The following SYNE2 variants were observed in gnomAD, a reference collection of about 807,000 sequenced individuals.
The protein encoded by SYNE2 is nesprin-2.
A neutral mutation model predicts 856.3 loss-of-function variants in SYNE2; 431 were observed. That is an observed-to-expected ratio of 0.50 (90% confidence interval 0.47 to 0.55). The LOEUF (loss-of-function observed/expected upper bound fraction) is 0.55. SYNE2 is among the 20% of genes least tolerant of loss of function. The pLI is 0.00. For synonymous variants in SYNE2, 2,923 were observed against 2,872.3 expected, an observed-to-expected ratio of 1.02 and a Z score of -0.56; for missense variants, 8,129 against 8,023.2, an observed-to-expected ratio of 1.01 and a Z score of -0.50.
In SYNE2 at chr14:64,159,357, C is replaced by A; in HGVS notation, c.16009C>A (p.Leu5337Ile). ...GAGCAGTGAAGGGAGTTGGGAGAAACTCCAGGAGGTTATCGGCAAACTCAA... is the reference window on the plus strand; with the variant it reads ...GAGCAGTGAAGGGAGTTGGGAGAAAATCCAGGAGGTTATCGGCAAACTCAA... The part of the protein sequence containing the change: ...AESSEGSWEK[L>I]QEVIGKLKGL... The change falls in exon 87 of 116, where the codon CTC becomes ATC. Residue 5337 changes from leucine (L) to isoleucine (I), a missense_variant. Leu to Ile is a conservative substitution (Grantham distance 5). Coordinates refer to ENST00000555002, the MANE Select transcript of SYNE2 (RefSeq NM_182914.3). The A allele has an allele frequency of 6.2e-7, 1 of 1,614,008 alleles. No homozygotes were observed. Among genetic ancestry groups the A allele is most frequent in the Non-Finnish European group, 8.5e-7 (1 of 1,179,906 alleles).
chr14:63,783,195 T>A (rs1189841349), intron 1 of SYNE2, among the ~76,000 whole-genome samples: 1 of 152,188 alleles, frequency 6.6e-6, no homozygotes, highest in Non-Finnish European at 1.5e-5. Flanking sequence ...TCTCGCGAGA[T>A]CTGATCGTTT....
At chr14:64,007,325 G>C (rs571623301) in intron 31 of SYNE2, 103 bp downstream of exon 31, 2 of 1,080,536 alleles carry the variant, frequency 1.9e-6, no homozygotes, top group South Asian at 2.5e-5. Context: ...GGACCCAAAG[G>C]AGGGACAAAC....
chr14:64,145,814 A>G (rs947944831), intron 83 of SYNE2, among the ~76,000 whole-genome samples: 2 of 152,192 alleles, frequency 1.3e-5, no homozygotes, highest in East Asian at 1.9e-4. Flanking sequence ...TTTTGTATAC[A>G]TCTGAAACTC....
chr14:63,904,666 T>G (rs2153339027), intron 1 of SYNE2, among the ~76,000 whole-genome samples: 1 of 152,318 alleles, frequency 6.6e-6, no homozygotes, highest in South Asian at 2.1e-4. Flanking sequence ...AATGGGGTTG[T>G]CTTTTGCTTG....
chr14:64,173,912 C>G, intron 94 of SYNE2: 1 of 689,564 alleles, frequency 1.5e-6, no homozygotes, highest in Non-Finnish European at 2.6e-6. Context: ...GCCCATGTAG[C>G]CAGGTGTGGT....
At chr14:63,991,312 T>C (rs1047434493) in intron 21 of SYNE2, among the ~76,000 whole-genome samples, 197 bp downstream of exon 21, 1 of 152,208 alleles carries the variant, frequency 6.6e-6, no homozygotes, top group Admixed American at 6.5e-5. Context: ...TCAAATTTTA[T>C]TGTGGATCTG....
At position 64,056,169 on chromosome 14, in the gene SYNE2, G is replaced by A. The variant is rs754885881; in HGVS notation, c.9970G>A (p.Glu3324Lys). ...TEKLGMISSP[E>K]AKLQLQYTLQ... ...GAAACTGGGAATGATATCCAGCCCCGAAGCCAAACTACAACTTCAGTATAC... is the reference window on the plus strand; with the variant it reads ...GAAACTGGGAATGATATCCAGCCCCAAAGCCAAACTACAACTTCAGTATAC... Residue 3324 changes from glutamate to lysine, a missense_variant, in exon 49 of 116, where the codon GAA becomes AAA. Physicochemically the swap from Glu to Lys is moderately conservative, Grantham distance 56 (BLOSUM62 1). Transcript: ENST00000555002. The A allele has an allele frequency of 6.2e-6, 10 of 1,613,956 alleles. No individual in the cohort carries two copies. The highest frequency in any genetic ancestry group is 3.3e-5 in the Admixed American group (2 of 59,990).
intron 1 of SYNE2, among the ~76,000 whole-genome samples, chr14:63,859,801 G>A (rs1424334279): frequency 6.6e-6 from 1 of 152,222 alleles, no homozygotes; most frequent in South Asian, 2.1e-4. Flanking sequence ...GGGCAACAGA[G>A]CAAGACTCTG....
intron 66 of SYNE2, among the ~76,000 whole-genome samples, chr14:64,118,480 A>G (rs2097869446): frequency 2.6e-5 from 4 of 152,168 alleles, no homozygotes; most frequent in Admixed American, 2.6e-4. Flanking sequence ...TGAGAAAGAG[A>G]AGGAAAAGAG....
intron 2 of SYNE2, among the ~76,000 whole-genome samples, chr14:63,937,954 G>A (rs1019182814): frequency 5.3e-5 from 8 of 152,148 alleles, no homozygotes; most frequent in African/African-American, 1.9e-4. Flanking sequence ...AATGATTGCT[G>A]GAGTTGGGGC....
chr14:63,908,585 T>A (rs2095436351), intron 1 of SYNE2, among the ~76,000 whole-genome samples: 1 of 152,222 alleles, frequency 6.6e-6, no homozygotes, highest in African/African-American at 2.4e-5. Flanking sequence ...CATTAAAATA[T>A]TCTTTTTGAT....
intron 1 of SYNE2, among the ~76,000 whole-genome samples, chr14:63,784,707 C>G (rs1887447258): frequency 6.6e-6 from 1 of 152,072 alleles, no homozygotes; most frequent in South Asian, 2.1e-4. Context: ...TGAAGTGGCT[C>G]ATGCCTGCAA....
intron 1 of SYNE2, among the ~76,000 whole-genome samples, chr14:63,792,772 C>G (rs770397992): frequency 6.6e-4 from 101 of 152,010 alleles, no homozygotes; most frequent in Middle Eastern, 6.8e-3. Flanking sequence ...CTCAAGTGAT[C>G]GTGATCACCT....
In SYNE2 at chr14:63,854,562, G is replaced by GT. The variant is rs572946665; in HGVS notation, c.-52+1425dup. ...TGGGAACAGGTGTAATCCTCATTAAGTTTTTTCGTGGTGAAGAATGGAGAT... is the reference window on the plus strand; with the variant it reads ...TGGGAACAGGTGTAATCCTCATTAAGTTTTTTTCGTGGTGAAGAATGGAGAT... On this transcript the variant is annotated intron_variant, in intron 1 of 115. Coordinates refer to ENST00000555002, the MANE Select transcript of SYNE2 (RefSeq NM_182914.3). 2.7e-3 allele frequency among the ~76,000 whole-genome samples: 411 copies of GT among 152,324 alleles called. 2 individuals carry two copies. The highest frequency in any genetic ancestry group is 9.3e-3 in the African/African-American group (386 of 41,570).
In SYNE2 at chr14:64,126,222, A is replaced by T. The variant is rs964483972; in HGVS notation, c.13555-105A>T. ...AGCGTTTGAAGCAACTTATTACAAA[A>T]GAAGCATAACATAAATCATAAACTA... On this transcript the variant is annotated intron_variant, in intron 71 of 115. Coordinates refer to ENST00000555002, the MANE Select transcript of SYNE2 (RefSeq NM_182914.3). 9 of 995,486 alleles carry T rather than the reference A, an allele frequency of 9.0e-6. No individual in the cohort carries two copies. In the African/African-American group the frequency reaches 1.1e-4, roughly 12 times the overall value. The allele number at this position is 995,486 out of a possible 1,614,324, so 61.7% of individuals were successfully genotyped here.
rs1344942575 is a variant in SYNE2, at chr14:64,070,957, G to A, written c.10697+47G>A. The A allele has an allele frequency of 1.9e-6, 3 of 1,604,270 alleles. No homozygotes were observed. In the African/African-American group the frequency reaches 4.0e-5, roughly 22 times the overall value. On this transcript the variant is annotated intron_variant, in intron 52 of 115. Coordinates refer to ENST00000555002, the MANE Select transcript of SYNE2 (RefSeq NM_182914.3). ...TAAGGACGTGTGCTTGACAATTATGGCTCAAAATTTAGAAAATCTAAAAGT... is the reference window on the plus strand; with the variant it reads ...TAAGGACGTGTGCTTGACAATTATGACTCAAAATTTAGAAAATCTAAAAGT...
rs1261231142 is a variant in SYNE2, at chr14:63,949,819, C to T, written c.409-6C>T. The stretch of plus-strand genomic sequence containing the variant: ...ATAAACGTTAAGTCTACTTTGCCTT[C>T]CTTAGATTGAGAAGCTTGCCCAGAC... On this transcript the variant is annotated splice_region_variant and splice_polypyrimidine_tract_variant and intron_variant, in intron 6 of 115. Transcript: ENST00000555002. 6.2e-7 allele frequency: 1 copy of T among 1,614,124 alleles called. No homozygotes were observed. The highest frequency in any genetic ancestry group is 8.5e-7 in the Non-Finnish European group (1 of 1,179,996).
chr14:64,186,311 T>A, intron 96 of SYNE2, 113 bp from the exon 97 acceptor site: 1 of 1,409,844 alleles, frequency 7.1e-7, no homozygotes, highest in Non-Finnish European at 1.0e-6. Context: ...GGTCCCTCCC[T>A]CTCTCCTGGC....
rs111915789 is a variant in SYNE2 at position 64,034,682 on chromosome 14, T to C, written c.7221+3325T>C. The C allele has an allele frequency of 2.2e-3, 964 of 445,524 alleles. 3 individuals are homozygous for C. The highest frequency in any genetic ancestry group is 0.017 in the African/African-American group (848 of 50,604). 27.6% of individuals were successfully genotyped at this position (445,524 alleles called of 1,614,324 possible). A position where few individuals can be genotyped will look rare whatever the true frequency, so the allele number is the denominator to read the frequency against. ...CTAGAAACAAAAGAAGTTGCAAAAT[T>C]CAGTATGACAGGTATTTGTGCTTAT... On this transcript the variant is annotated intron_variant, in intron 45 of 115. Transcript: ENST00000555002.
Sources: gnomAD v4.1 joint callset for allele counts (sites outside exome capture counted in the v4.1 genomes callset) on GRCh38, gnomAD v4.1.1 for gene constraint, MANE v1.5 for transcripts, NCBI Gene and HGNC (gene_info 2026-07-23, HGNC 2026-07-21) for gene names.